The following NPAS3 variants were observed in gnomAD, a reference collection of about 807,000 sequenced individuals.
The protein encoded by NPAS3 is neuronal PAS domain-containing protein 3.
Under a neutral mutation model 73.1 loss-of-function variants are expected in NPAS3, and 14 were observed. That is an observed-to-expected ratio of 0.19 (90% CI 0.13 to 0.30). The LOEUF is 0.30. Ranked by LOEUF, NPAS3 falls within the 10% of genes least tolerant of loss-of-function variation. The pLI is 1.00. For synonymous variants in NPAS3, 620 were observed against 541.5 expected, an observed-to-expected ratio of 1.14 and a Z score of -2.01; for missense variants, 1,096 against 1,250.0, an observed-to-expected ratio of 0.88 and a Z score of 1.86.
chr14:33,511,682 A>T (rs2053062879), intron 4 of NPAS3, among the ~76,000 whole-genome samples: 1 of 152,114 alleles, frequency 6.6e-6, no homozygotes, highest in Non-Finnish European at 1.5e-5. Context: ...GAACTCTGCC[A>T]AGAATTTTAT....
intron 4 of NPAS3, among the ~76,000 whole-genome samples, chr14:33,387,629 GAGA>G (rs1479737375): frequency 4.6e-5 from 7 of 152,220 alleles, no homozygotes; most frequent in Admixed American, 2.6e-4. Context: ...GAGAGGGCAG[GAGA>G]AGGACAGAGC....
chr14:33,249,936 A>ACC (rs1555362531), intron 3 of NPAS3, among the ~76,000 whole-genome samples: 7 of 150,742 alleles, frequency 4.6e-5, no homozygotes, highest in Non-Finnish European at 7.4e-5. Flanking sequence ...ACACACACAC[A>ACC]CCCCTACATA....
chr14:33,310,374 T>C (rs2140190394), intron 3 of NPAS3, among the ~76,000 whole-genome samples: 1 of 152,214 alleles, frequency 6.6e-6, no homozygotes, highest in East Asian at 1.9e-4. Flanking sequence ...TAACATTATT[T>C]CCAGAAAATT....
intron 1 of NPAS3, among the ~76,000 whole-genome samples, chr14:32,956,070 T>A (rs925028690): frequency 6.6e-6 from 1 of 151,208 alleles, no homozygotes; most frequent in Non-Finnish European, 1.5e-5. Flanking sequence ...CCATTGATGG[T>A]TTTTTTTTAA....
At chr14:33,639,940 G>T (rs1275637885) in intron 5 of NPAS3, among the ~76,000 whole-genome samples, 3 of 152,056 alleles carry the variant, frequency 2.0e-5, no homozygotes, top group Admixed American at 6.6e-5. Context: ...TCTATGGGCT[G>T]GTCACAGTGA....
chr14:33,002,540 C>T (rs995655743), intron 1 of NPAS3, among the ~76,000 whole-genome samples: 2 of 152,122 alleles, frequency 1.3e-5, no homozygotes, highest in African/African-American at 2.4e-5. Flanking sequence ...TTTCAGACAG[C>T]GAAGTGGCCC....
chr14:33,338,599 CTTGACTGCTCTGAACCTTTTT>C (rs2140302487), intron 3 of NPAS3, among the ~76,000 whole-genome samples: 1 of 152,254 alleles, frequency 6.6e-6, no homozygotes, highest in Non-Finnish European at 1.5e-5. Flanking sequence ...TGGCACATCT[CTTGACTGCTCTGAACCTTTTT>C]TCTTTTTTCT....
chr14:33,549,853 A>G (rs527885980), intron 4 of NPAS3, among the ~76,000 whole-genome samples: 15 of 152,342 alleles, frequency 9.8e-5, no homozygotes, highest in African/African-American at 3.6e-4. Context: ...TTGATCTTGC[A>G]AATTCAAGTA....
intron 3 of NPAS3, among the ~76,000 whole-genome samples, chr14:33,229,135 T>C (rs1375579552): frequency 6.6e-6 from 1 of 152,158 alleles, no homozygotes; most frequent in Non-Finnish European, 1.5e-5. Flanking sequence ...CCCAATGCCA[T>C]GTAGAACACA....
intron 4 of NPAS3, among the ~76,000 whole-genome samples, chr14:33,477,407 A>T (rs1372582246): frequency 6.6e-6 from 1 of 152,160 alleles, no homozygotes; most frequent in Non-Finnish European, 1.5e-5. Flanking sequence ...TTTGATGTTG[A>T]CATTGCTCTC....
chr14:32,993,850 A>G (rs1034693581), intron 1 of NPAS3, among the ~76,000 whole-genome samples: 3 of 152,360 alleles, frequency 2.0e-5, no homozygotes, highest in Admixed American at 6.5e-5. Context: ...TTCTGTAGAT[A>G]TAGTCAAATT....
upstream of NPAS3, chr14:32,935,064 A>C: frequency 1.9e-6 from 2 of 1,040,260 alleles, no homozygotes. Context: ...GGTGGGACTC[A>C]CTTTGCCTCC....
intron 3 of NPAS3, among the ~76,000 whole-genome samples, chr14:33,288,819 A>G (rs1438729533): frequency 3.3e-5 from 5 of 152,134 alleles, no homozygotes; most frequent in Non-Finnish European, 7.3e-5. Flanking sequence ...ACACACCCAC[A>G]AAGCAAAATA....
intron 4 of NPAS3, among the ~76,000 whole-genome samples, chr14:33,460,618 A>G (rs1368877391): frequency 6.6e-6 from 1 of 152,116 alleles, no homozygotes; most frequent in African/African-American, 2.4e-5. Flanking sequence ...AATCACGTAT[A>G]TTTTCGGCGT....
At chr14:33,563,020 A>T (rs2055728829) in intron 5 of NPAS3, among the ~76,000 whole-genome samples, 2 of 152,108 alleles carry the variant, frequency 1.3e-5, no homozygotes, top group Admixed American at 1.3e-4. Context: ...CTGTAAAGTT[A>T]TGGACCCTCC....
chr14:33,429,504 C>G (rs1034965418), intron 4 of NPAS3, among the ~76,000 whole-genome samples: 1 of 152,168 alleles, frequency 6.6e-6, no homozygotes, highest in Non-Finnish European at 1.5e-5. Context: ...ATCTATCTTA[C>G]AGTTGATGCT....
At chr14:33,679,361 T>C (rs1461766885) in intron 6 of NPAS3, among the ~76,000 whole-genome samples, 2 of 152,218 alleles carry the variant, frequency 1.3e-5, no homozygotes, top group Admixed American at 6.5e-5. Context: ...TCTTCACTAA[T>C]GCAGATGATG....
At chr14:33,016,558 G>T (rs980943545) in intron 1 of NPAS3, among the ~76,000 whole-genome samples, 1 of 141,208 alleles carries the variant, frequency 7.1e-6, no homozygotes, top group Admixed American at 7.2e-5. Flanking sequence ...GAGTACACAT[G>T]TAAAATATAG....
intron 2 of NPAS3, among the ~76,000 whole-genome samples, chr14:33,165,495 G>A (rs1306532379): frequency 5.3e-5 from 8 of 152,116 alleles, no homozygotes; most frequent in Non-Finnish European, 1.2e-4. Context: ...GAGGAGCTGT[G>A]CAGCTCTACT....
Sources: allele counts gnomAD v4.1 joint callset (sites outside exome capture counted in the v4.1 genomes callset), GRCh38; gene constraint gnomAD v4.1.1; transcripts MANE v1.5; gene names NCBI Gene and HGNC (gene_info 2026-07-23, HGNC 2026-07-21).